Variants in PLEKHA7 observed in about 807,000 individuals in gnomAD.
PLEKHA7 encodes pleckstrin homology domain-containing family A member 7.
A neutral mutation model predicts 170.0 loss-of-function variants in PLEKHA7; 104 were observed. The ratio of observed to expected loss-of-function variants is 0.61; its 90% confidence interval spans 0.52 to 0.72. The LOEUF is 0.72. Among genes scored for constraint, PLEKHA7 ranks in the 30% least tolerant of loss-of-function variants. The probability of loss-of-function intolerance (pLI) is 0.00; values close to 1 mark genes in which losing one functional copy is unlikely to be tolerated. For synonymous variants in PLEKHA7, 648 were observed against 660.8 expected (o/e 0.98, Z 0.30); for missense variants, 1,615 against 1,671.7 (o/e 0.97, Z 0.59).
At chr11:16,779,556 C>T (rs942811394) in intron 26 of PLEKHA7, among the ~76,000 whole-genome samples, 1 of 152,104 alleles carries the variant, frequency 6.6e-6, no homozygotes, top group East Asian at 1.9e-4. Flanking sequence ...AAAGCCACAC[C>T]CTCAAATGTG....
intron 3 of PLEKHA7, among the ~76,000 whole-genome samples, chr11:16,990,977 CTG>C (rs1864009841): frequency 6.6e-6 from 1 of 152,222 alleles, no homozygotes; most frequent in African/African-American, 2.4e-5. Flanking sequence ...TTTTAATTCA[CTG>C]TTGTCATTGT....
intron 3 of PLEKHA7, among the ~76,000 whole-genome samples, chr11:16,929,642 G>T (rs1295221519): frequency 6.6e-6 from 1 of 152,194 alleles, no homozygotes; most frequent in Non-Finnish European, 1.5e-5. Context: ...CCTTTTAGGG[G>T]GTGGATGTAA....
chr11:16,864,606 C>A (rs1854237748), intron 4 of PLEKHA7, among the ~76,000 whole-genome samples: 1 of 152,112 alleles, frequency 6.6e-6, no homozygotes, highest in Non-Finnish European at 1.5e-5. Context: ...ATGGGTTTTT[C>A]CCATGCTGTT....
chr11:16,779,198 C>T (rs997853686), intron 26 of PLEKHA7, among the ~76,000 whole-genome samples, 178 bp from the exon 27 acceptor site: 5 of 152,248 alleles, frequency 3.3e-5, no homozygotes, highest in Admixed American at 6.5e-5. Flanking sequence ...CTTGCCCCAC[C>T]CTCCCTGCAC....
At chr11:16,863,070 A>G (rs1854097562) in intron 4 of PLEKHA7, among the ~76,000 whole-genome samples, 1 of 152,116 alleles carries the variant, frequency 6.6e-6, no homozygotes, top group Admixed American at 6.5e-5. Context: ...ATCTCACGCC[A>G]GCTTTACCAA....
intron 21 of PLEKHA7, chr11:16,790,310 C>T: frequency 4.7e-6 from 1 of 212,176 alleles, no homozygotes; most frequent in Non-Finnish European, 9.5e-6. Context: ...CTTAGAGTGG[C>T]ACTCTGGAAG....
At chr11:16,892,292 G>A (rs1157798109) in intron 3 of PLEKHA7, among the ~76,000 whole-genome samples, 1 of 152,066 alleles carries the variant, frequency 6.6e-6, no homozygotes, top group Non-Finnish European at 1.5e-5. Context: ...ATGTATGGTG[G>A]GAAAAGAGCA....
At chr11:16,992,571 T>C (rs952221813) in intron 3 of PLEKHA7, among the ~76,000 whole-genome samples, 7 of 151,920 alleles carry the variant, frequency 4.6e-5, no homozygotes, top group Admixed American at 1.3e-4. Context: ...GCCTGGCCAA[T>C]GTGGTGAAAC....
At chr11:16,934,064 G>A (rs746529663) in intron 3 of PLEKHA7, among the ~76,000 whole-genome samples, 2 of 152,196 alleles carry the variant, frequency 1.3e-5, no homozygotes, top group Non-Finnish European at 2.9e-5. Flanking sequence ...GGTCCTGGAG[G>A]AGAGGCTGGA....
chr11:16,783,945 G>A (rs1046137419), intron 24 of PLEKHA7, 112 bp from the exon 25 acceptor site: 10 of 1,130,946 alleles, frequency 8.8e-6, no homozygotes, highest in African/African-American at 6.5e-5. Flanking sequence ...AGTCCACAGA[G>A]ACTAAGTAAC....
intron 4 of PLEKHA7, among the ~76,000 whole-genome samples, chr11:16,858,413 C>A (rs895124204): frequency 6.6e-6 from 1 of 152,202 alleles, no homozygotes; most frequent in African/African-American, 2.4e-5. Context: ...AAGAAAAGAC[C>A]GTCTGGATTT....
intron 3 of PLEKHA7, among the ~76,000 whole-genome samples, chr11:16,982,588 T>A (rs1163908663): frequency 6.6e-6 from 1 of 152,158 alleles, no homozygotes; most frequent in East Asian, 1.9e-4. Flanking sequence ...AAGCCATTCA[T>A]CAGCTCTAGG....
intron 3 of PLEKHA7, among the ~76,000 whole-genome samples, chr11:17,012,403 G>C (rs1190944750): frequency 1.3e-5 from 2 of 151,974 alleles, no homozygotes; most frequent in Non-Finnish European, 2.9e-5. Context: ...CTGGCTGTTC[G>C]CTCTTCCCGA....
intron 9 of PLEKHA7, among the ~76,000 whole-genome samples, chr11:16,840,610 C>G (rs1590293634): frequency 6.6e-6 from 1 of 151,990 alleles, no homozygotes; most frequent in Non-Finnish European, 1.5e-5. Context: ...CTGCTTTAAG[C>G]CTAGGATACT....
rs183274631 is a variant in PLEKHA7 at position 16,810,672 on chromosome 11, G to A, written c.2007+2441C>T. Among the ~76,000 whole-genome samples, 325 of 152,278 alleles carry A rather than the reference G, an allele frequency of 2.1e-3. 2 individuals carry two copies. Among genetic ancestry groups the A allele is most frequent in the African/African-American group, 7.3e-3 (303 of 41,554 alleles). On this transcript the variant is annotated intron_variant, in intron 13 of 26. Transcript: ENST00000531066. ...CGTTCTAATCATGTGCAGCTCTTAG[G>A]TAGTAAAACACACCAAGGATGTAAC... is the stretch of plus-strand genomic sequence containing the variant.
rs180939663 is a variant in PLEKHA7, at chr11:16,971,397, G to C, written c.221+42592C>G. Among the ~76,000 whole-genome samples, 136 of 152,312 alleles carry C rather than the reference G, an allele frequency of 8.9e-4. 1 individual carries two copies. The highest frequency in any genetic ancestry group is 6.8e-3 in the Middle Eastern group (2 of 292). ...GATGCATAATAATCCACTGTACAGA[G>C]GTGTCATGACTAATTTAGCCAACAA... is the stretch of plus-strand genomic sequence containing the variant. On this transcript the variant is annotated intron_variant, in intron 3 of 26. Coordinates refer to ENST00000531066, the MANE Select transcript of PLEKHA7 (RefSeq NM_001329630.2).
chr11:16,934,982 C>A (rs1299249860), intron 3 of PLEKHA7, among the ~76,000 whole-genome samples: 1 of 152,200 alleles, frequency 6.6e-6, no homozygotes, highest in Non-Finnish European at 1.5e-5. Context: ...TAGGTGAAAT[C>A]TTAATGTACT....
chr11:16,888,282 G>A (rs77134131), intron 3 of PLEKHA7, among the ~76,000 whole-genome samples: 2,676 of 91,854 alleles, frequency 0.029, 89 homozygotes, highest in African/African-American at 0.1. Context: ...GTCCCTGCCC[G>A]GCTGCCCCTT....
intron 3 of PLEKHA7, among the ~76,000 whole-genome samples, chr11:16,897,794 G>A (rs190605372): frequency 6.6e-6 from 1 of 152,268 alleles, no homozygotes; most frequent in Admixed American, 6.5e-5. Context: ...GCATTTGCCT[G>A]CACACACACA....
Sources: gnomAD v4.1 joint callset for allele counts (sites outside exome capture counted in the v4.1 genomes callset) on GRCh38, gnomAD v4.1.1 for gene constraint, MANE v1.5 for transcripts, NCBI Gene and HGNC (gene_info 2026-07-23, HGNC 2026-07-21) for gene names.